The following RNF2 variants were observed in gnomAD, a reference collection of about 807,000 sequenced individuals.
RNF2 encodes ring finger protein 2.
RNF2 carries 6 observed loss-of-function variants against 37.2 expected under a neutral mutation model. That is an observed-to-expected ratio of 0.16 (90% CI 0.09 to 0.32). The LOEUF (loss-of-function observed/expected upper bound fraction) is 0.32. RNF2 is among the 10% of genes least tolerant of loss of function. RNF2 has a pLI of 1.00. For synonymous variants in RNF2, 133 were observed against 132.7 expected (o/e 1.00, Z -0.02); for missense variants, 251 against 404.0 (o/e 0.62, Z 3.25).
chr1:185,068,466 CAG>C (rs538402866), intron 1 of RNF2, among the ~76,000 whole-genome samples: 9 of 152,256 alleles, frequency 5.9e-5, no homozygotes, highest in African/African-American at 1.9e-4. Context: ...AGAGAAGGGG[CAG>C]AGAGAGATTA....
At chr1:185,071,517 T>C (rs1186113569) in intron 1 of RNF2, 1 of 152,348 alleles carries the variant, frequency 6.6e-6, no homozygotes, top group Non-Finnish European at 1.5e-5. Flanking sequence ...AACTTCCCCT[T>C]TGGCATCGTG....
intron 1 of RNF2, among the ~76,000 whole-genome samples, chr1:185,054,534 A>T (rs999888602): frequency 1.3e-5 from 2 of 151,488 alleles, no homozygotes; most frequent in African/African-American, 4.9e-5. Flanking sequence ...CTCCATTACG[A>T]GCGCTCTTCC....
chr1:185,075,198 T>A (rs1651110491), intron 1 of RNF2, among the ~76,000 whole-genome samples: 1 of 152,094 alleles, frequency 6.6e-6, no homozygotes, highest in Admixed American at 6.5e-5. Flanking sequence ...TTCGCCGTGT[T>A]GGCCAGGCTG....
rs556640593 is a variant in RNF2, at chr1:185,059,220, G to A, written c.-3+13571G>A. On this transcript the variant is annotated intron_variant, in intron 1 of 6. Coordinates refer to ENST00000367510, the MANE Select transcript of RNF2 (RefSeq NM_007212.4). ...GAGAATAGAAGTCTCCTGAATCCCA[G>A]TCTGGATTAAAAAAAAAAAACCTCC... 2.1e-4 allele frequency among the ~76,000 whole-genome samples: 24 copies of A among 116,078 alleles called. No homozygotes were observed. In the East Asian group the frequency reaches 5.2e-3, roughly 25 times the overall value. The allele number at this position is 116,078 out of a possible 152,430, so 76.2% of individuals were successfully genotyped here.
intron 1 of RNF2, among the ~76,000 whole-genome samples, chr1:185,083,433 A>G (rs1236025102): frequency 6.6e-6 from 1 of 151,836 alleles, no homozygotes; most frequent in Non-Finnish European, 1.5e-5. Flanking sequence ...TATTATACTA[A>G]CTTTGGGTCT....
At chr1:185,084,809 T>C (rs2102190992) in intron 1 of RNF2, among the ~76,000 whole-genome samples, 1 of 152,064 alleles carries the variant, frequency 6.6e-6, no homozygotes, top group South Asian at 2.1e-4. Context: ...TCACTTTGAT[T>C]CACAAGAGAG....
At chr1:185,092,501 G>T (rs1651798553) in intron 3 of RNF2, among the ~76,000 whole-genome samples, 1 of 152,144 alleles carries the variant, frequency 6.6e-6, no homozygotes, top group East Asian at 1.9e-4. Flanking sequence ...GTAAGTGTTT[G>T]ATTGAAAACT....
chr1:185,074,536 C>A (rs886616092), intron 1 of RNF2, among the ~76,000 whole-genome samples: 1 of 152,006 alleles, frequency 6.6e-6, no homozygotes, highest in Admixed American at 6.6e-5. Flanking sequence ...TCCTCTCACC[C>A]TTATGACTCA....
chr1:185,089,439 C>A (rs1651702272), intron 2 of RNF2, among the ~76,000 whole-genome samples: 1 of 152,142 alleles, frequency 6.6e-6, no homozygotes, highest in African/African-American at 2.4e-5. Flanking sequence ...TGGAGCCAAT[C>A]CCCCATGGAT....
chr1:185,051,285 T>C (rs868752318), intron 1 of RNF2, among the ~76,000 whole-genome samples: 18 of 152,222 alleles, frequency 1.2e-4, no homozygotes, highest in African/African-American at 4.1e-4. Flanking sequence ...CTTTACTGTA[T>C]TACAGAAGGG....
chr1:185,072,917 G>C (rs974580542), intron 1 of RNF2, among the ~76,000 whole-genome samples: 3 of 152,264 alleles, frequency 2.0e-5, no homozygotes, highest in Admixed American at 6.5e-5. Flanking sequence ...TCCAGTCTGG[G>C]CAACAGAATG....
rs1388330961 is a variant in RNF2 at position 185,100,771 on chromosome 1, A to C, written c.*470A>C. ...TATATAAACTGTAGTATCTTCATGA[A>C]GACCCAAGGCTCAAATTTACTGTCC... On this transcript the variant is annotated 3_prime_UTR_variant, in exon 7 of 7. Transcript: ENST00000367510. 6.6e-6 allele frequency: 1 copy of C among 152,520 alleles called. No individual in the cohort carries two copies. The highest frequency in any genetic ancestry group is 1.5e-5 in the Non-Finnish European group (1 of 68,008). The allele number at this position is 152,520 out of a possible 1,614,324, so 9.4% of individuals were successfully genotyped here. A position where few individuals can be genotyped will look rare whatever the true frequency, so the allele number is the denominator to read the frequency against.
rs1651639268 is a variant in RNF2 at position 185,087,565 on chromosome 1, T to C, written c.12T>C (p.Ala4=). The change falls in exon 2 of 7, where the codon GCT becomes GCC. Residue 4 remains alanine, a synonymous_variant. Transcript: ENST00000367510. MSQ[A]VQTNGTQPLS... ...CTTTATTTCCAGCAATGTCTCAGGC[T>C]GTGCAGACAAACGGAACTCAACCAT... is the stretch of plus-strand genomic sequence containing the variant. 6.2e-7 allele frequency: 1 copy of C among 1,614,006 alleles called. No individual in the cohort carries two copies. The highest frequency in any genetic ancestry group is 1.7e-5 in the Admixed American group (1 of 60,004).
chr1:185,099,249 TG>T (rs1342451064), intron 5 of RNF2, among the ~76,000 whole-genome samples: 1 of 152,096 alleles, frequency 6.6e-6, no homozygotes, highest in Admixed American at 6.5e-5. Flanking sequence ...GGTTTCACCA[TG>T]TTGGCCAGGC....
At chr1:185,052,207 C>CCT (rs1203112554) in intron 1 of RNF2, among the ~76,000 whole-genome samples, 5 of 152,236 alleles carry the variant, frequency 3.3e-5, no homozygotes, top group Admixed American at 2.6e-4. Flanking sequence ...GCACTCTTGA[C>CCT]CTCTCCTACC....
At chr1:185,048,923 G>T (rs1018007263) in intron 1 of RNF2, among the ~76,000 whole-genome samples, 1 of 152,118 alleles carries the variant, frequency 6.6e-6, no homozygotes, top group Non-Finnish European at 1.5e-5. Flanking sequence ...TTGCATTTGG[G>T]GCGGGGATGG....
At chr1:185,066,104 C>G (rs1185563548) in intron 1 of RNF2, among the ~76,000 whole-genome samples, 2 of 152,088 alleles carry the variant, frequency 1.3e-5, no homozygotes, top group Non-Finnish European at 2.9e-5. Context: ...CTACTGTAGG[C>G]CTTTCTCATC....
Position 185,094,515 on chromosome 1 carries a change from C to G in RNF2, c.464+1239C>G, listed in dbSNP as rs569923529. On this transcript the variant is annotated intron_variant, in intron 4 of 6. Coordinates refer to ENST00000367510, the MANE Select transcript of RNF2 (RefSeq NM_007212.4). ...AATAAACAAATATTTTTTGCTTTCT[C>G]CATAGTATATCCAGATTCATTCAGG... Among the ~76,000 whole-genome samples, 6 of 151,902 alleles carry G rather than the reference C, an allele frequency of 3.9e-5. No individual in the cohort carries two copies. In the South Asian group the frequency reaches 1.3e-3, roughly 32 times the overall value.
intron 1 of RNF2, among the ~76,000 whole-genome samples, chr1:185,047,415 A>G (rs1650150887): frequency 6.6e-6 from 1 of 152,214 alleles, no homozygotes; most frequent in Admixed American, 6.5e-5. Flanking sequence ...GAATGGATAG[A>G]AATATAGACC....
Sources: gnomAD v4.1 joint callset for allele counts (sites outside exome capture counted in the v4.1 genomes callset) on GRCh38, gnomAD v4.1.1 for gene constraint, MANE v1.5 for transcripts, NCBI Gene and HGNC (gene_info 2026-07-23, HGNC 2026-07-21) for gene names.